The following IMMP2L variants were observed in gnomAD, a reference collection of about 807,000 sequenced individuals.
IMMP2L encodes mitochondrial inner membrane protease subunit 2.
A neutral mutation model predicts 19.3 loss-of-function variants in IMMP2L; 18 were observed. The ratio of observed to expected loss-of-function variants is 0.93; its 90% CI spans 0.64 to 1.38. The LOEUF (loss-of-function observed/expected upper bound fraction) is 1.38, where lower values mean the gene tolerates loss of function less well. IMMP2L is among the 40% of genes most tolerant of loss of function. The probability of loss-of-function intolerance (pLI) is 0.00; values close to 1 mark genes in which losing one functional copy is unlikely to be tolerated. For synonymous variants in IMMP2L, 76 were observed against 73.0 expected (o/e 1.04, Z -0.21); for missense variants, 233 against 218.2 (o/e 1.07, Z -0.43).
At chr7:110,910,617 G>T (rs920406469) in intron 4 of IMMP2L, among the ~76,000 whole-genome samples, 5 of 152,242 alleles carry the variant, frequency 3.3e-5, no homozygotes, top group Non-Finnish European at 4.4e-5. Flanking sequence ...CAAAAGAAGG[G>T]CATCAAAGCT....
At chr7:110,687,369 T>C (rs56288544) in intron 5 of IMMP2L, among the ~76,000 whole-genome samples, 4,089 of 152,220 alleles carry the variant, frequency 0.027, 68 homozygotes, top group Middle Eastern at 0.088. Context: ...GAGATGTCTA[T>C]AAGGGCCTCA....
intron 5 of IMMP2L, among the ~76,000 whole-genome samples, chr7:110,842,034 G>A (rs1357018689): frequency 2.0e-5 from 3 of 152,088 alleles, no homozygotes; most frequent in African/African-American, 7.2e-5. Context: ...CATGAAAATT[G>A]TCCACTGTAA....
At chr7:111,252,377 T>C (rs1452728606) in intron 3 of IMMP2L, among the ~76,000 whole-genome samples, 1 of 152,162 alleles carries the variant, frequency 6.6e-6, no homozygotes, top group Non-Finnish European at 1.5e-5. Flanking sequence ...AAGTTCTGAA[T>C]TAGGCAGTAT....
chr7:111,133,179 A>G (rs1802011279), intron 3 of IMMP2L, among the ~76,000 whole-genome samples: 1 of 152,040 alleles, frequency 6.6e-6, no homozygotes, highest in Admixed American at 6.6e-5. Flanking sequence ...TAGAGATTCA[A>G]CATTGACTGC....
intron 3 of IMMP2L, among the ~76,000 whole-genome samples, chr7:111,443,938 G>C (rs1838017199): frequency 6.6e-6 from 1 of 152,070 alleles, no homozygotes; most frequent in South Asian, 2.1e-4. Flanking sequence ...AAAGCATACA[G>C]TATGTGCATC....
At position 111,108,913 on chromosome 7, in the gene IMMP2L, AG is replaced by A. The variant is rs1426267318; in HGVS notation, c.240-145349del. Among the ~76,000 whole-genome samples, 6 of 152,346 alleles carry A rather than the reference AG, an allele frequency of 3.9e-5. No individual in the cohort carries two copies. The East Asian group carries it at 1.2e-3, about 29-fold the overall frequency. The stretch of plus-strand genomic sequence containing the variant: ...CAGTAGATATTTATTGAACAACAAT[AG>A]CAGGCAATATTCTAGCTAGGCATTG... On this transcript the variant is annotated intron_variant, in intron 3 of 5. Transcript: ENST00000405709.
At chr7:111,282,628 G>C (rs1358930729) in intron 3 of IMMP2L, among the ~76,000 whole-genome samples, 2 of 151,598 alleles carry the variant, frequency 1.3e-5, no homozygotes, top group Non-Finnish European at 2.9e-5. Flanking sequence ...CTGTCACCTA[G>C]GCTAGAGATC....
intron 3 of IMMP2L, among the ~76,000 whole-genome samples, chr7:111,451,713 TAA>T (rs779828841): frequency 6.0e-5 from 7 of 116,754 alleles, no homozygotes; most frequent in Admixed American, 8.6e-5. Context: ...AAAGTATAAT[TAA>T]AAAAAAAAAA....
At chr7:111,056,644 A>C (rs1222683963) in intron 3 of IMMP2L, among the ~76,000 whole-genome samples, 1 of 152,238 alleles carries the variant, frequency 6.6e-6, no homozygotes, top group Non-Finnish European at 1.5e-5. Context: ...CCTACTGTTG[A>C]CCTGAAGCCT....
chr7:111,492,983 T>C (rs1205119414), intron 2 of IMMP2L, among the ~76,000 whole-genome samples: 1 of 152,182 alleles, frequency 6.6e-6, no homozygotes, highest in East Asian at 1.9e-4. Flanking sequence ...AACCGTGTCT[T>C]AGCCATTTTT....
chr7:110,793,042 C>G (rs1461454330), intron 5 of IMMP2L, among the ~76,000 whole-genome samples: 1 of 152,024 alleles, frequency 6.6e-6, no homozygotes, highest in Non-Finnish European at 1.5e-5. Context: ...TACATAGAAA[C>G]AGAGAGAAGA....
intron 3 of IMMP2L, among the ~76,000 whole-genome samples, chr7:111,251,028 A>AGTCTAC (rs1816046596): frequency 6.6e-6 from 1 of 152,192 alleles, no homozygotes; most frequent in South Asian, 2.1e-4. Context: ...TAATATTCAG[A>AGTCTAC]GTCTACAAGA....
At chr7:110,730,499 G>C (rs1394874217) in intron 5 of IMMP2L, among the ~76,000 whole-genome samples, 1 of 152,044 alleles carries the variant, frequency 6.6e-6, no homozygotes, top group Non-Finnish European at 1.5e-5. Flanking sequence ...TGAGGTTTTG[G>C]GAGTTGGACT....
intron 3 of IMMP2L, among the ~76,000 whole-genome samples, chr7:111,444,122 CT>C (rs1362504412): frequency 6.6e-6 from 1 of 152,032 alleles, no homozygotes; most frequent in Non-Finnish European, 1.5e-5. Flanking sequence ...AAGGTTGTTA[CT>C]TTTTTTCTAT....
At chr7:111,387,398 G>A (rs1451937483) in intron 3 of IMMP2L, among the ~76,000 whole-genome samples, 1 of 152,012 alleles carries the variant, frequency 6.6e-6, no homozygotes, top group Non-Finnish European at 1.5e-5. Context: ...GAAAATAAAA[G>A]CACAAAATTA....
At chr7:111,324,932 A>G (rs1355732335) in intron 3 of IMMP2L, among the ~76,000 whole-genome samples, 1 of 151,804 alleles carries the variant, frequency 6.6e-6, no homozygotes, top group Non-Finnish European at 1.5e-5. Flanking sequence ...TATGACTAAG[A>G]TAAGTCTGCC....
chr7:111,256,506 T>A (rs926066226), intron 3 of IMMP2L, among the ~76,000 whole-genome samples: 1 of 152,022 alleles, frequency 6.6e-6, no homozygotes, highest in Non-Finnish European at 1.5e-5. Context: ...AATATCTCAT[T>A]GAAGAAGGAT....
At chr7:110,895,638 T>C (rs1811245145) in intron 4 of IMMP2L, among the ~76,000 whole-genome samples, 1 of 152,296 alleles carries the variant, frequency 6.6e-6, no homozygotes, top group South Asian at 2.1e-4. Flanking sequence ...CTTAACAACA[T>C]TGAGTGTTCT....
chr7:110,672,196 CT>C (rs1347437999), intron 5 of IMMP2L, among the ~76,000 whole-genome samples: 1 of 151,984 alleles, frequency 6.6e-6, no homozygotes, highest in Non-Finnish European at 1.5e-5. Context: ...CAAACATGTC[CT>C]TCTTCACATG....
Sources: gnomAD v4.1 joint callset for allele counts (sites outside exome capture counted in the v4.1 genomes callset) on GRCh38, gnomAD v4.1.1 for gene constraint, MANE v1.5 for transcripts, NCBI Gene and HGNC (gene_info 2026-07-23, HGNC 2026-07-21) for gene names.